MGA: variants seen among roughly 807,000 people sequenced by gnomAD.
MGA encodes MAX gene-associated protein.
Under a neutral mutation model 261.1 loss-of-function variants are expected in MGA, and 40 were observed. That is an observed-to-expected ratio of 0.15 (90% confidence interval 0.12 to 0.20). MGA has a LOEUF of 0.20. MGA is among the 10% of genes least tolerant of loss of function. The pLI is 1.00. For synonymous variants in MGA, 1,302 were observed against 1,290.6 expected (o/e 1.01, Z -0.19); for missense variants, 3,397 against 3,630.5 (o/e 0.94, Z 1.65).
At chr15:41,655,944 A>T (rs2057158863), upstream of MGA, among the ~76,000 whole-genome samples, 1 of 152,226 alleles carries the variant, frequency 6.6e-6, no homozygotes. Context: ...TGCCTAAAAA[A>T]TGAGGATCTG....
At position 41,761,835 on chromosome 15, in the gene MGA, G is replaced by A. The variant is rs765152172; in HGVS notation, c.7495G>A (p.Val2499Ile). The A allele has an allele frequency of 6.3e-7, 1 of 1,577,962 alleles. No individual in the cohort carries two copies. Among genetic ancestry groups the A allele is most frequent in the Non-Finnish European group, 8.6e-7 (1 of 1,158,508 alleles). The change falls in exon 21 of 24, where the codon GTA becomes ATA. Residue 2499 changes from valine (V) to isoleucine (I), a missense_variant. Around this residue, in one of 9 missense-constraint regions of MGA, gnomAD observed 50 missense variants for 121.5 expected, o/e 0.41. Transcript: ENST00000219905. Reference sequence around the variant, plus strand: ...AAAACGGAATATTCTGATACGGAAAGTATCGTCTCTTTCAGGTGAGATAAG... The same window carrying A: ...AAAACGGAATATTCTGATACGGAAAATATCGTCTCTTTCAGGTGAGATAAG...
chr15:41,651,411 A>G (rs1402201438), intron 1 of MGA, among the ~76,000 whole-genome samples: 3 of 152,176 alleles, frequency 2.0e-5, no homozygotes, highest in East Asian at 3.8e-4. Context: ...TTCATTGACT[A>G]CATAGCCACT....
At chr15:41,757,610 A>G (rs1233813564) in intron 18 of MGA, among the ~76,000 whole-genome samples, 178 bp from the exon 19 acceptor site, 1 of 152,214 alleles carries the variant, frequency 6.6e-6, no homozygotes, top group Non-Finnish European at 1.5e-5. Context: ...TTGAAGTTTT[A>G]GTGACTATTT....
intron 11 of MGA, among the ~76,000 whole-genome samples, chr15:41,733,497 G>A (rs993992803): frequency 6.6e-6 from 1 of 152,184 alleles, no homozygotes; most frequent in African/African-American, 2.4e-5. Flanking sequence ...TGGTTCAGCT[G>A]ATGGCTGGGG....
At chr15:41,621,690 G>T (rs1228848691) in intron 1 of MGA, 1 of 150,046 alleles carries the variant, frequency 6.7e-6, no homozygotes, top group Non-Finnish European at 1.5e-5. Context: ...GTTTTTGTGC[G>T]TTGGGGGGAA....
intron 2 of MGA, among the ~76,000 whole-genome samples, chr15:41,679,607 T>C (rs2058561798): frequency 1.3e-5 from 2 of 152,224 alleles, no homozygotes; most frequent in South Asian, 4.1e-4. Flanking sequence ...ATTGCTGTTT[T>C]GTATTGCATA....
chr15:41,715,400 G>A (rs1317298006), intron 9 of MGA, among the ~76,000 whole-genome samples: 1 of 151,698 alleles, frequency 6.6e-6, no homozygotes, highest in East Asian at 1.9e-4. Context: ...GGCCCACCTC[G>A]GCCTCCCAAA....
intron 17 of MGA, among the ~76,000 whole-genome samples, chr15:41,752,549 GTTTT>G (rs35282917): frequency 2.9e-5 from 3 of 102,144 alleles, no homozygotes; most frequent in African/African-American, 1.1e-4. Flanking sequence ...AACCTTTAAA[GTTTT>G]TTTTTTTTTT....
At chr15:41,671,664 C>G (rs879839499) in intron 2 of MGA, among the ~76,000 whole-genome samples, 5 of 152,078 alleles carry the variant, frequency 3.3e-5, no homozygotes, top group Non-Finnish European at 7.4e-5. Context: ...AACCCAAGTT[C>G]AGCAAAAGTA....
At chr15:41,671,418 G>T (rs1347752390) in intron 2 of MGA, among the ~76,000 whole-genome samples, 2 of 152,032 alleles carry the variant, frequency 1.3e-5, no homozygotes, top group Non-Finnish European at 2.9e-5. Context: ...CTGGCTCCCA[G>T]GTTCAAGCGA....
intron 1 of MGA, among the ~76,000 whole-genome samples, chr15:41,635,521 C>G (rs1450943580): frequency 2.0e-5 from 3 of 151,810 alleles, no homozygotes; most frequent in African/African-American, 7.3e-5. Flanking sequence ...TGAGACCCCC[C>G]CCCTCCTATA....
rs776499066 is a variant in MGA at position 41,762,396 on chromosome 15, G to GATATA, written c.7744+35_7744+39dup. 4 of 1,455,302 alleles carry GATATA rather than the reference G, an allele frequency of 2.7e-6. No homozygotes were observed. In the Admixed American group the frequency reaches 7.4e-5, roughly 27 times the overall value. 90.1% of individuals were successfully genotyped at this position (1,455,302 alleles called of 1,614,324 possible). ...GACATTCTTCGCTTTCCTTAATGTA[G>GATATA]ATATACATCAGTTGACTTTAGTGGA... On this transcript the variant is annotated intron_variant, in intron 22 of 23. Transcript: ENST00000219905.
At chr15:41,674,232 T>C (rs2058247435) in intron 2 of MGA, among the ~76,000 whole-genome samples, 1 of 152,070 alleles carries the variant, frequency 6.6e-6, no homozygotes. Context: ...AGTCTGGCTC[T>C]ATTGCCTCAG....
At chr15:41,659,347 C>T (rs183875123), upstream of MGA, among the ~76,000 whole-genome samples, 8 of 142,528 alleles carry the variant, frequency 5.6e-5, no homozygotes, top group East Asian at 1.5e-3. Flanking sequence ...TCTTCTCATT[C>T]TCCTTCATAG....
chr15:41,760,654 T>G, intron 20 of MGA, 125 bp downstream of exon 20: 1 of 872,472 alleles, frequency 1.1e-6, no homozygotes, highest in Non-Finnish European at 1.8e-6. Flanking sequence ...AACAGATGAA[T>G]ATGGACTAGT....
At chr15:41,725,834 C>CAAAAAAAAA (rs1204528358) in intron 9 of MGA, among the ~76,000 whole-genome samples, 4 of 9,032 alleles carry the variant, frequency 4.4e-4, no homozygotes, top group African/African-American at 6.4e-4. Flanking sequence ...GACTCCGTCT[C>CAAAAAAAAA]AAAAAAAAAA....
chr15:41,727,857 TG>T lies in MGA; in HGVS notation c.3657+453del, dbSNP rs1567041174. Among the ~76,000 whole-genome samples, 44 of 152,308 alleles carry T rather than the reference TG, an allele frequency of 2.9e-4. 1 individual carries two copies. Among genetic ancestry groups the T allele is most frequent in the Admixed American group, 2.2e-3 (34 of 15,296 alleles). On this transcript the variant is annotated intron_variant, in intron 10 of 23. Coordinates refer to ENST00000219905, the MANE Select transcript of MGA (RefSeq NM_001164273.2). ...CAGTTGATATAATATGACTGAAGACTGGTAGGTAAAAGTAGGAAGTTATTCA... is the reference window on the plus strand; with the variant it reads ...CAGTTGATATAATATGACTGAAGACTGTAGGTAAAAGTAGGAAGTTATTCA...
Position 41,766,413 on chromosome 15 carries a change from A to G in MGA, c.8331A>G (p.Lys2777=), listed in dbSNP as rs749931806. 8.1e-6 allele frequency: 13 copies of G among 1,613,826 alleles called. No individual in the cohort carries two copies. The highest frequency in any genetic ancestry group is 1.6e-4 in the Middle Eastern group (1 of 6,084). The change falls in exon 24 of 24, where the codon AAA becomes AAG. Residue 2777 remains lysine (K), a synonymous_variant. Coordinates refer to ENST00000219905, the MANE Select transcript of MGA (RefSeq NM_001164273.2). Reference sequence around the variant, plus strand: ...AGTCAAAGGATTCTTCATTTCATAAATTAAAGATGAAAGATCTCAAGGACT... The same window carrying G: ...AGTCAAAGGATTCTTCATTTCATAAGTTAAAGATGAAAGATCTCAAGGACT...
At chr15:41,721,551 A>T (rs116145704) in intron 9 of MGA, among the ~76,000 whole-genome samples, 1 of 152,032 alleles carries the variant, frequency 6.6e-6, no homozygotes, top group Non-Finnish European at 1.5e-5. Context: ...AATAATAAAC[A>T]CTCCTGTAGA....
Sources: gnomAD v4.1 joint callset for allele counts (sites outside exome capture counted in the v4.1 genomes callset) on GRCh38, gnomAD v4.1.1 for gene constraint, gnomAD v4.1.1 regional missense constraint, MANE v1.5 for transcripts, NCBI Gene and HGNC (gene_info 2026-07-23, HGNC 2026-07-21) for gene names.